WDR45B: variants seen among roughly 807,000 people sequenced by gnomAD.
WDR45B encodes WD repeat domain phosphoinositide-interacting protein 3.
In WDR45B, 20 loss-of-function variants were observed where a neutral mutation model predicts 44.6. That is an observed-to-expected ratio of 0.45 (90% confidence interval 0.32 to 0.65). The LOEUF (loss-of-function observed/expected upper bound fraction) is 0.65, where lower values mean the gene tolerates loss of function less well. Ranked by LOEUF, WDR45B falls within the 30% of genes least tolerant of loss-of-function variation. The pLI is 0.05. For missense variants in WDR45B, 323 were observed against 430.2 expected (o/e 0.75, Z 2.20); for synonymous variants, 169 against 164.9 (o/e 1.02, Z -0.19).
In WDR45B at chr17:82,644,846, C is replaced by T. The variant is rs116427736; in HGVS notation, c.68-823G>A. Among the ~76,000 whole-genome samples, 591 of 152,290 alleles carry T rather than the reference C, an allele frequency of 3.9e-3. 5 individuals are homozygous for T. The highest frequency in any genetic ancestry group is 0.014 in the African/African-American group (574 of 41,554). ...AATGACTGCACAAGTGGTGTGAAAGCCCAACACAAAGGCCTCTAAAACTCC... is the reference window on the plus strand; with the variant it reads ...AATGACTGCACAAGTGGTGTGAAAGTCCAACACAAAGGCCTCTAAAACTCC... On this transcript the variant is annotated intron_variant, in intron 1 of 9. Transcript: ENST00000392325.
At chr17:82,646,400 T>C (rs1377112556) in intron 1 of WDR45B, among the ~76,000 whole-genome samples, 1 of 144,478 alleles carries the variant, frequency 6.9e-6, no homozygotes, top group Non-Finnish European at 1.5e-5. Context: ...GACAGGAGAA[T>C]TGCTTGAACC....
In WDR45B at chr17:82,648,417, C is replaced by G; in HGVS notation, c.-77G>C. 1 of 1,546,446 alleles carries G rather than the reference C, an allele frequency of 6.5e-7. No homozygotes were observed. The highest frequency in any genetic ancestry group is 8.7e-7 in the Non-Finnish European group (1 of 1,144,988). On this transcript the variant is annotated 5_prime_UTR_variant, in exon 1 of 10. Transcript: ENST00000392325. ...GGACGGCGGCCTGGTCCCTTCGGGCCGGCGCTGAGGCCGCCGCGGCCGGAA... is the reference window on the plus strand; with the variant it reads ...GGACGGCGGCCTGGTCCCTTCGGGCGGGCGCTGAGGCCGCCGCGGCCGGAA...
intron 2 of WDR45B, among the ~76,000 whole-genome samples, chr17:82,638,834 C>CT (rs1385298009): frequency 1.3e-5 from 2 of 151,834 alleles, no homozygotes; most frequent in African/African-American, 2.4e-5. Context: ...CATTTATGTA[C>CT]TTTTTTTGAG....
At chr17:82,642,228 G>A (rs141645495) in intron 2 of WDR45B, among the ~76,000 whole-genome samples, 3 of 152,216 alleles carry the variant, frequency 2.0e-5, no homozygotes, top group Non-Finnish European at 4.4e-5. Context: ...AGCAGCAGGC[G>A]AACAAGCATC....
In WDR45B at chr17:82,617,929, TTTC is replaced by T. The variant is rs775194660; in HGVS notation, c.705-535_705-533del. 3.8e-3 allele frequency among the ~76,000 whole-genome samples: 564 copies of T among 149,648 alleles called. 2 individuals carry two copies. Among genetic ancestry groups the T allele is most frequent in the Middle Eastern group, 6.8e-3 (2 of 292 alleles). ...GTATTTATAAATTAATTACATTTTCTTTCTTTTTTTTTTTTTTGAGACAGAGTC... is the reference window on the plus strand; with the variant it reads ...GTATTTATAAATTAATTACATTTTCTTTTTTTTTTTTTTTGAGACAGAGTC... On this transcript the variant is annotated intron_variant, in intron 7 of 9. Transcript: ENST00000392325.
intron 2 of WDR45B, among the ~76,000 whole-genome samples, chr17:82,640,698 A>G (rs2045902979): frequency 6.6e-6 from 1 of 152,174 alleles, no homozygotes; most frequent in Non-Finnish European, 1.5e-5. Context: ...GTAAGTGCAG[A>G]GCCAAACTGT....
At chr17:82,647,370 C>G (rs2045991938) in intron 1 of WDR45B, among the ~76,000 whole-genome samples, 1 of 152,218 alleles carries the variant, frequency 6.6e-6, no homozygotes, top group Admixed American at 6.5e-5. Context: ...CTTTTCCTCC[C>G]CATCAGGACC....
Position 82,615,442 on chromosome 17 carries a change from C to A in WDR45B, c.*477G>T, listed in dbSNP as rs561453851. 75 of 190,838 alleles carry A rather than the reference C, an allele frequency of 3.9e-4. 1 individual carries two copies. The South Asian group carries it at 6.4e-3, about 16-fold the overall frequency. The allele number at this position is 190,838 out of a possible 1,614,324, so 11.8% of individuals were successfully genotyped here. Reference sequence around the variant, plus strand: ...GGAAAAGGAATTCCTTTCTCCTTTTCTAAGGCAAGCTGCTGGTGTTGTATT... The same window carrying A: ...GGAAAAGGAATTCCTTTCTCCTTTTATAAGGCAAGCTGCTGGTGTTGTATT... On this transcript the variant is annotated 3_prime_UTR_variant, in exon 10 of 10. Transcript: ENST00000392325.
intron 5 of WDR45B, 111 bp from the exon 6 acceptor site, chr17:82,621,910 A>C (rs1163348347): frequency 1.7e-6 from 2 of 1,163,606 alleles, no homozygotes; most frequent in African/African-American, 3.1e-5. Context: ...TCATTTATAA[A>C]TATCAGAACC....
chr17:82,633,162 CAAA>C (rs57003725), intron 2 of WDR45B, among the ~76,000 whole-genome samples: 34 of 116,188 alleles, frequency 2.9e-4, no homozygotes, highest in Non-Finnish European at 3.2e-4. Flanking sequence ...GACTCCATCT[CAAA>C]AAAAAAAAAA....
chr17:82,616,678 A>AG, intron 8 of WDR45B, 33 bp from the exon 9 acceptor site: 1 of 1,613,894 alleles, frequency 6.2e-7, no homozygotes, highest in South Asian at 1.1e-5. Context: ...GGTGGTTCAA[A>AG]GTTTACAGGA....
At chr17:82,616,406 G>A (rs1012956660) in intron 9 of WDR45B, 118 bp downstream of exon 9, 2 of 1,512,150 alleles carry the variant, frequency 1.3e-6, no homozygotes, top group South Asian at 1.1e-5. Context: ...GGGGAACTGG[G>A]CGGCCATCGG....
rs886754153 is a variant in WDR45B at position 82,634,816 on chromosome 17, C to T, written c.143-3794G>A. Among the ~76,000 whole-genome samples the T allele has an allele frequency of 7.9e-5, 12 of 152,034 alleles. 1 individual carries two copies. Among genetic ancestry groups the T allele is most frequent in the African/African-American group, 2.9e-4 (12 of 41,310 alleles). On this transcript the variant is annotated intron_variant, in intron 2 of 9. Coordinates refer to ENST00000392325, the MANE Select transcript of WDR45B (RefSeq NM_019613.4). Reference sequence around the variant, plus strand: ...TCCTGGCCTCAAGCAATCCTCCTGCCTCAGACTCTGAAAACACTGGGATTA... The same window carrying T: ...TCCTGGCCTCAAGCAATCCTCCTGCTTCAGACTCTGAAAACACTGGGATTA...
chr17:82,648,344 G>T lies in WDR45B; in HGVS notation c.-4C>A. 6.2e-7 allele frequency: 1 copy of T among 1,605,458 alleles called. No individual in the cohort carries two copies. The highest frequency in any genetic ancestry group is 8.5e-7 in the Non-Finnish European group (1 of 1,177,532). On this transcript the variant is annotated 5_prime_UTR_variant, in exon 1 of 10. Coordinates refer to ENST00000392325, the MANE Select transcript of WDR45B (RefSeq NM_019613.4). ...GGTTACACGGCAGGAGGTTCATGGCGCCGCCGTGCTGGGTCGCCGCTCCTC... is the reference window on the plus strand; with the variant it reads ...GGTTACACGGCAGGAGGTTCATGGCTCCGCCGTGCTGGGTCGCCGCTCCTC...
intron 1 of WDR45B, chr17:82,644,633 GAAAC>G (rs1463582108): frequency 1.8e-5 from 3 of 166,828 alleles, no homozygotes; most frequent in Non-Finnish European, 4.0e-5. Flanking sequence ...AGCACTGTTA[GAAAC>G]TGAATAAAGC....
chr17:82,619,643 G>C (rs990918628), intron 6 of WDR45B, among the ~76,000 whole-genome samples: 7 of 152,152 alleles, frequency 4.6e-5, no homozygotes, highest in Non-Finnish European at 1.0e-4. Context: ...CAAGACCTCA[G>C]GGAAGTTTTT....
chr17:82,641,392 G>A (rs2045913771), intron 2 of WDR45B, among the ~76,000 whole-genome samples: 1 of 152,154 alleles, frequency 6.6e-6, no homozygotes, highest in Non-Finnish European at 1.5e-5. Flanking sequence ...ACGGTTCCTG[G>A]CTCATAACTC....
chr17:82,641,634 T>A (rs1009977948), intron 2 of WDR45B, among the ~76,000 whole-genome samples: 1 of 152,130 alleles, frequency 6.6e-6, no homozygotes, highest in African/African-American at 2.4e-5. Flanking sequence ...CGGTGGCTCA[T>A]GCCTGTAATC....
At chr17:82,644,558 C>G (rs1251110191) in intron 1 of WDR45B, 1 of 182,798 alleles carries the variant, frequency 5.5e-6, no homozygotes, top group Non-Finnish European at 1.2e-5. Flanking sequence ...AATGAGTTAC[C>G]CAGGTCACTC....
Sources: allele counts gnomAD v4.1 joint callset (sites outside exome capture counted in the v4.1 genomes callset), GRCh38; gene constraint gnomAD v4.1.1; transcripts MANE v1.5; gene names NCBI Gene and HGNC (gene_info 2026-07-23, HGNC 2026-07-21).